The following RGS7 variants were observed in gnomAD, a reference collection of about 807,000 sequenced individuals.
RGS7 encodes regulator of G protein signaling 7.
A neutral mutation model predicts 81.1 loss-of-function variants in RGS7; 27 were observed. That is an observed-to-expected ratio of 0.33 (90% confidence interval 0.25 to 0.46). RGS7 has a LOEUF of 0.46. RGS7 is among the 20% of genes least tolerant of loss of function. The pLI is 1.00. For synonymous variants in RGS7, 208 were observed against 207.7 expected, an observed-to-expected ratio of 1.00 and a Z score of -0.01; for missense variants, 396 against 607.4, an observed-to-expected ratio of 0.65 and a Z score of 3.66.
At chr1:240,876,437 T>C (rs1449913357) in intron 6 of RGS7, among the ~76,000 whole-genome samples, 1 of 152,172 alleles carries the variant, frequency 6.6e-6, no homozygotes, top group Non-Finnish European at 1.5e-5. Flanking sequence ...CATATGTTAG[T>C]GGAACACAGC....
intron 3 of RGS7, among the ~76,000 whole-genome samples, chr1:241,031,890 C>A (rs1033459047): frequency 1.3e-5 from 2 of 152,116 alleles, no homozygotes; most frequent in South Asian, 4.1e-4. Flanking sequence ...TGCTTTGTCA[C>A]ATAGTTTGCA....
Position 240,801,455 on chromosome 1 carries a change from C to G in RGS7, c.1413G>C (p.Val471=). Reference sequence around the variant, plus strand: ...TAATTCCTCAAAAAATTAAACTTACCACATTCTGTGCAAATTTTTCAAAAG... The same window carrying G: ...TAATTCCTCAAAAAATTAAACTTACGACATTCTGTGCAAATTTTTCAAAAG... ...RTSFEKFAQN[V]GRNIPIFPCH... is the part of the protein sequence containing the mutation. Residue 471 remains valine, a splice_region_variant and synonymous_variant, in exon 17 of 19, where the codon GTG becomes GTC. Coordinates refer to ENST00000440928, the MANE Select transcript of RGS7 (RefSeq NM_001364886.1). 2 of 1,595,610 alleles carry G rather than the reference C, an allele frequency of 1.3e-6. No individual in the cohort carries two copies. The highest frequency in any genetic ancestry group is 1.7e-6 in the Non-Finnish European group (2 of 1,164,606).
intron 2 of RGS7, among the ~76,000 whole-genome samples, chr1:241,204,447 T>C (rs1479477698): frequency 2.0e-5 from 3 of 152,230 alleles, no homozygotes; most frequent in Admixed American, 2.0e-4. Flanking sequence ...TAGGTGGGTA[T>C]TGGACAATTT....
intron 4 of RGS7, among the ~76,000 whole-genome samples, chr1:240,977,794 CA>C (rs1435987461): frequency 6.6e-6 from 1 of 152,144 alleles, no homozygotes; most frequent in African/African-American, 2.4e-5. Context: ...TCAACAGTAC[CA>C]AAAACAGCTG....
At chr1:240,999,667 CTT>C (rs1442623331) in intron 3 of RGS7, among the ~76,000 whole-genome samples, 1 of 152,140 alleles carries the variant, frequency 6.6e-6, no homozygotes, top group Non-Finnish European at 1.5e-5. Context: ...GTGGTGTGAT[CTT>C]GTCTCAGTGC....
At chr1:241,305,972 T>G in intron 2 of RGS7, 1 of 157,276 alleles carries the variant, frequency 6.4e-6, no homozygotes, top group Non-Finnish European at 1.4e-5. Flanking sequence ...GGAAGTGACT[T>G]TCTCTAAAGT....
intron 4 of RGS7, among the ~76,000 whole-genome samples, chr1:240,938,802 T>G (rs1044472995): frequency 1.3e-5 from 2 of 151,618 alleles, no homozygotes; most frequent in Non-Finnish European, 2.9e-5. Context: ...AGGAGCATTT[T>G]TTTTTCATCA....
At chr1:240,827,598 C>T (rs920758708) in intron 9 of RGS7, among the ~76,000 whole-genome samples, 3 of 152,098 alleles carry the variant, frequency 2.0e-5, no homozygotes, top group Non-Finnish European at 4.4e-5. Context: ...CGCAGTGACT[C>T]ATGCCTGTAA....
At chr1:240,780,093 T>C (rs1206421092) in intron 18 of RGS7, among the ~76,000 whole-genome samples, 2 of 152,232 alleles carry the variant, frequency 1.3e-5, no homozygotes, top group Admixed American at 1.3e-4. Flanking sequence ...GTGCTATGAA[T>C]AGAATTGTAT....
chr1:240,853,772 GCACCTGTAGTCC>G (rs1660550458), intron 9 of RGS7, among the ~76,000 whole-genome samples: 1 of 151,640 alleles, frequency 6.6e-6, no homozygotes, highest in African/African-American at 2.4e-5. Context: ...CGTGGTGCGG[GCACCTGTAGTCC>G]CAGCTACTCA....
At chr1:241,106,870 TTTTTTCTAA>T (rs1264470068) in intron 2 of RGS7, among the ~76,000 whole-genome samples, 1 of 150,614 alleles carries the variant, frequency 6.6e-6, no homozygotes, top group East Asian at 1.9e-4. Flanking sequence ...AGTAGAGGTT[TTTTTTCTAA>T]TTTATAGACG....
chr1:240,947,346 C>G (rs1678808711), intron 4 of RGS7, among the ~76,000 whole-genome samples: 1 of 152,190 alleles, frequency 6.6e-6, no homozygotes, highest in South Asian at 2.1e-4. Flanking sequence ...TTCTGAACAG[C>G]CTTTGTGACA....
rs2059391377 is a variant in RGS7, at chr1:241,018,664, A to G, written c.176-35535T>C. Among the ~76,000 whole-genome samples, 3 of 152,012 alleles carry G rather than the reference A, an allele frequency of 2.0e-5. No homozygotes were observed. The South Asian group carries it at 6.2e-4, about 32-fold the overall frequency. On this transcript the variant is annotated intron_variant, in intron 3 of 18. Coordinates refer to ENST00000440928, the MANE Select transcript of RGS7 (RefSeq NM_001364886.1). ...GTAAGGTGGAGCGGAGGTGGGGGGC[A>G]TTCTATAAACTTCTGCATAAGTCTC...
At chr1:241,313,428 A>G (rs977956996) in intron 2 of RGS7, among the ~76,000 whole-genome samples, 1 of 152,146 alleles carries the variant, frequency 6.6e-6, no homozygotes, top group Non-Finnish European at 1.5e-5. Context: ...CTCATTGACC[A>G]TTCCAAAAAT....
At chr1:240,895,718 T>C (rs1378909524) in intron 6 of RGS7, among the ~76,000 whole-genome samples, 1 of 152,226 alleles carries the variant, frequency 6.6e-6, no homozygotes, top group Non-Finnish European at 1.5e-5. Flanking sequence ...TCCAAGTCTT[T>C]GCTATTGTGA....
chr1:240,983,231 T>A, intron 3 of RGS7, 102 bp from the exon 4 acceptor site: 102 of 518,658 alleles, frequency 2.0e-4, no homozygotes, highest in Non-Finnish European at 3.2e-4. Flanking sequence ...TAGAAGGAAC[T>A]TTTCTAATTG....
chr1:241,142,744 G>A (rs1028609678), intron 2 of RGS7, among the ~76,000 whole-genome samples: 10 of 152,310 alleles, frequency 6.6e-5, no homozygotes, highest in Admixed American at 6.5e-4. Context: ...CATTGTCTTG[G>A]TAATTAACAT....
intron 5 of RGS7, among the ~76,000 whole-genome samples, chr1:240,934,155 C>T (rs10926382): frequency 2.6e-4 from 40 of 152,044 alleles, no homozygotes; most frequent in African/African-American, 8.9e-4. Flanking sequence ...GTAGAGATGA[C>T]GTTTCACCAT....
chr1:240,932,651 GGT>G (rs1675682952), intron 5 of RGS7, among the ~76,000 whole-genome samples: 1 of 150,550 alleles, frequency 6.6e-6, no homozygotes, highest in Non-Finnish European at 1.5e-5. Flanking sequence ...TGGGACTACA[GGT>G]GCCCGCCACC....
Sources: gnomAD v4.1 joint callset for allele counts (sites outside exome capture counted in the v4.1 genomes callset) on GRCh38, gnomAD v4.1.1 for gene constraint, MANE v1.5 for transcripts, NCBI Gene and HGNC (gene_info 2026-07-23, HGNC 2026-07-21) for gene names.